Variants in SMARCC2 observed in about 807,000 individuals in gnomAD.
SMARCC2 encodes SWI/SNF related BAF chromatin remodeling complex subunit C2, also known as SWI/SNF complex subunit SMARCC2.
A neutral mutation model predicts 151.3 loss-of-function variants in SMARCC2; 15 were observed. The observed-to-expected ratio is 0.10, with a 90% confidence interval of 0.07 to 0.15. The LOEUF is 0.15. SMARCC2 is among the 10% of genes least tolerant of loss of function. The probability of loss-of-function intolerance (pLI) is 1.00; values close to 1 mark genes in which losing one functional copy is unlikely to be tolerated. For missense variants in SMARCC2, 1,031 were observed against 1,599.7 expected, an observed-to-expected ratio of 0.64 and a Z score of 6.06; for synonymous variants, 590 against 609.5, an observed-to-expected ratio of 0.97 and a Z score of 0.47.
intron 22 of SMARCC2, 128 bp from the exon 23 acceptor site, chr12:56,170,336 C>T (rs915659146): frequency 1.3e-6 from 1 of 770,864 alleles, no homozygotes; most frequent in South Asian, 1.5e-5. Context: ...ACTCCTGGGC[C>T]CACGCAATCC....
chr12:56,187,187 C>A lies in SMARCC2; in HGVS notation c.231G>T (p.Pro77=). Residue 77 remains proline (P), a splice_region_variant and synonymous_variant, in exon 2 of 29, where the codon CCG becomes CCT. Coordinates refer to ENST00000550164, the MANE Select transcript of SMARCC2 (RefSeq NM_001330288.2). ...HVSNAPLTKL[P]IKCFLDFKAG... ...CCCTCCCTGCTACTTCTGCACTCAC[C>A]GGCAGTTTAGTGAGCGGTGCATTGC... 4 of 1,613,510 alleles carry A rather than the reference C, an allele frequency of 2.5e-6. No individual in the cohort carries two copies. In the South Asian group the frequency reaches 3.3e-5, roughly 13 times the overall value.
At chr12:56,174,148 A>G (rs1457287394) in intron 16 of SMARCC2, among the ~76,000 whole-genome samples, 1 of 152,046 alleles carries the variant, frequency 6.6e-6, no homozygotes, top group African/African-American at 2.4e-5. Context: ...TTTTTTCCCT[A>G]AGAGAGACTG....
chr12:56,182,075 C>G lies in SMARCC2; in HGVS notation c.637G>C (p.Asp213His). 1 of 1,610,712 alleles carries G rather than the reference C, an allele frequency of 6.2e-7. No homozygotes were observed. Among genetic ancestry groups the G allele is most frequent in the South Asian group, 1.1e-5 (1 of 90,770 alleles). Residue 213 changes from aspartate to histidine, a missense_variant, in exon 8 of 29, where the codon GAC (aspartate) becomes CAC (histidine). By Grantham distance (81) the Asp-to-His change is moderately conservative. This residue lies in a region of SMARCC2 where 123 missense variants were observed against 190.4 expected (regional missense o/e 0.65). Coordinates refer to ENST00000550164, the MANE Select transcript of SMARCC2 (RefSeq NM_001330288.2). Reference protein sequence around the residue: ...LHWGYYPDSYDTWIPASEIEA... With the variant: ...LHWGYYPDSYHTWIPASEIEA... ...ATTTCACTCGCTGGGATCCACGTGT[C>G]GTAACTGCCATGGGAAATTGAGCAC...
At chr12:56,183,959 T>G in intron 6 of SMARCC2, 29 bp from the exon 7 acceptor site, 1 of 1,554,352 alleles carries the variant, frequency 6.4e-7, no homozygotes, top group Non-Finnish European at 8.9e-7. Flanking sequence ...AAGGGAGAGA[T>G]ATAAGCTAAA....
chr12:56,164,437 G>C lies in SMARCC2; in HGVS notation c.3527C>G (p.Pro1176Arg), dbSNP rs1008521267. Residue 1176 changes from proline to arginine, a missense_variant, in exon 28 of 29, where the codon CCT becomes CGT. Transcript: ENST00000550164. ...CATGGTGGTGGTCGCCGGCAGGTTA[G>C]GATGTAGAGGGTTCGCCATGGACAC... is the stretch of plus-strand genomic sequence containing the variant. ...LPVSMANPLH[P>R]NLPATTTMPS... The C allele has an allele frequency of 1.9e-6, 3 of 1,614,064 alleles. No homozygotes were observed. Among genetic ancestry groups the C allele is most frequent in the Non-Finnish European group, 8.5e-7 (1 of 1,180,024 alleles).
At chr12:56,182,276 C>T (rs1200464969) in intron 7 of SMARCC2, among the ~76,000 whole-genome samples, 197 bp from the exon 8 acceptor site, 2 of 151,748 alleles carry the variant, frequency 1.3e-5, no homozygotes, top group African/African-American at 2.4e-5. Context: ...ATCACCCTTA[C>T]GTAACTACTC....
Position 56,164,428 on chromosome 12 carries a change from G to C in SMARCC2, c.3536C>G (p.Pro1179Arg). 1 of 1,614,062 alleles carries C rather than the reference G, an allele frequency of 6.2e-7. No individual in the cohort carries two copies. Among genetic ancestry groups the C allele is most frequent in the Non-Finnish European group, 8.5e-7 (1 of 1,180,030 alleles). ...SMANPLHPNL[P>R]ATTTMPSSLP... ...GGAAGATGGCATGGTGGTGGTCGCC[G>C]GCAGGTTAGGATGTAGAGGGTTCGC... The change falls in exon 28 of 29, where the codon CCG (proline) becomes CGG (arginine). Residue 1179 changes from proline (P) to arginine (R), a missense_variant. Around this residue, in one of 12 missense-constraint regions of SMARCC2, gnomAD observed 310 missense variants for 350.0 expected, o/e 0.89. Coordinates refer to ENST00000550164, the MANE Select transcript of SMARCC2 (RefSeq NM_001330288.2).
At chr12:56,184,726 G>T in intron 5 of SMARCC2, 118 bp downstream of exon 5, 1 of 656,872 alleles carries the variant, frequency 1.5e-6, no homozygotes, top group Non-Finnish European at 2.7e-6. Flanking sequence ...CTTTTTCCAA[G>T]TAGACAGAGC....
At chr12:56,177,224 G>GTTTT (rs1389985841) in intron 15 of SMARCC2, among the ~76,000 whole-genome samples, 4 of 151,986 alleles carry the variant, frequency 2.6e-5, no homozygotes, top group Non-Finnish European at 4.4e-5. Context: ...GATTACAGGC[G>GTTTT]TGAGCCACCA....
Position 56,171,626 on chromosome 12 carries a change from A to G in SMARCC2, c.2185+53T>C. 2 of 1,519,898 alleles carry G rather than the reference A, an allele frequency of 1.3e-6. No individual in the cohort carries two copies. Among genetic ancestry groups the G allele is most frequent in the Non-Finnish European group, 1.8e-6 (2 of 1,134,174 alleles). The allele number at this position is 1,519,898 out of a possible 1,614,324, so 94.2% of individuals were successfully genotyped here. A position where few individuals can be genotyped will look rare whatever the true frequency, so the allele number is the denominator to read the frequency against. ...GAGAGGATTCACAGTCTGAGTAACT[A>G]GCCCTTCAAAAGCAAACTAAGAAGG... is the stretch of plus-strand genomic sequence containing the variant. On this transcript the variant is annotated intron_variant, in intron 21 of 28. Transcript: ENST00000550164. This position sits in a 1 kb window ranked among gnomAD's most constrained non-coding sequence, Gnocchi z 4.2.
At chr12:56,184,278 G>C in intron 5 of SMARCC2, 34 bp from the exon 6 acceptor site, 2 of 1,519,810 alleles carry the variant, frequency 1.3e-6, no homozygotes, top group Non-Finnish European at 1.8e-6. Context: ...GTAAATTATG[G>C]TCCCCTCTGA....
chr12:56,178,115 T>C (rs1229038827), intron 14 of SMARCC2, 22 bp from the exon 15 acceptor site: 1 of 1,601,064 alleles, frequency 6.2e-7, no homozygotes, highest in South Asian at 1.1e-5. Context: ...GCCAGAATGG[T>C]TTCAGAAGAA....
chr12:56,164,191 C>G, intron 28 of SMARCC2, 112 bp downstream of exon 28: 1 of 969,548 alleles, frequency 1.0e-6, no homozygotes, highest in Non-Finnish European at 1.5e-6. Flanking sequence ...CCAGAGTGTT[C>G]AAAAAGGATT....
Position 56,185,075 on chromosome 12 carries a change from G to A in SMARCC2, c.354C>T (p.Asp118=). Residue 118 remains aspartate, a synonymous_variant, in exon 4 of 29, where the codon GAC becomes GAT. Coordinates refer to ENST00000550164, the MANE Select transcript of SMARCC2 (RefSeq NM_001330288.2). ...TGGTCATAAACATTTCCACATTGCG[G>A]TCCATGCGTGATGGATTCTGGAAAT... ...RYDFQNPSRM[D]RNVEMFMTIE... is the part of the protein sequence containing the mutation. 1 of 1,614,062 alleles carries A rather than the reference G, an allele frequency of 6.2e-7. No homozygotes were observed. The highest frequency in any genetic ancestry group is 8.5e-7 in the Non-Finnish European group (1 of 1,179,988).
Position 56,185,136 on chromosome 12 carries a change from G to A in SMARCC2, c.318-25C>T, listed in dbSNP as rs1487967512. 3 of 1,593,354 alleles carry A rather than the reference G, an allele frequency of 1.9e-6. No homozygotes were observed. The Admixed American group carries it at 5.0e-5, about 27-fold the overall frequency. On this transcript the variant is annotated intron_variant, in intron 3 of 28. Transcript: ENST00000550164. ...CCTTGTGAAGAGGCAATAATCTAGTGAGTGGTATAGCTCAGGTCTGCAGAT... is the reference window on the plus strand; with the variant it reads ...CCTTGTGAAGAGGCAATAATCTAGTAAGTGGTATAGCTCAGGTCTGCAGAT...
Position 56,172,668 on chromosome 12 carries a change from C to G in SMARCC2, c.1780G>C (p.Asp594His). 6.2e-7 allele frequency: 1 copy of G among 1,614,182 alleles called. No homozygotes were observed. The highest frequency in any genetic ancestry group is 8.5e-7 in the Non-Finnish European group (1 of 1,180,032). ...SASQQMLNFP[D>H]KGKEKPTDMQ... ...TCTGTTGGTTTCTCTTTGCCTTTGT[C>G]AGGAAAGTTGAGCATTTGTTGGGAA... Residue 594 changes from aspartate to histidine, a missense_variant, in exon 19 of 29, where the codon GAC becomes CAC. By Grantham distance (81) the Asp-to-His change is moderately conservative. Coordinates refer to ENST00000550164, the MANE Select transcript of SMARCC2 (RefSeq NM_001330288.2).
chr12:56,162,359 T>A lies in SMARCC2; in HGVS notation c.*1330A>T, dbSNP rs1417041662. 1 of 633,510 alleles carries A rather than the reference T, an allele frequency of 1.6e-6. No individual in the cohort carries two copies. 39.2% of individuals were successfully genotyped at this position (633,510 alleles called of 1,614,324 possible). ...AAGAACACAGAATGCACCCACAAGA[T>A]GGAACTGAAAGCAAATTAATTTATA... On this transcript the variant is annotated 3_prime_UTR_variant, in exon 29 of 29. Transcript: ENST00000550164.
At chr12:56,165,897 G>GA (rs935868533) in intron 26 of SMARCC2, among the ~76,000 whole-genome samples, 198 bp from the exon 27 acceptor site, 50 of 152,286 alleles carry the variant, frequency 3.3e-4, no homozygotes, top group Middle Eastern at 3.4e-3. Context: ...TGTCTCCTGA[G>GA]TGCCCACATG....
In SMARCC2 at chr12:56,163,716, C is replaced by T. The variant is rs765881836; in HGVS notation, c.3711G>A (p.Thr1237=). ...ACTGTGGAGGTGGCACAGGGGTGACCGTGCCTGGGCTCGGGGCTGTGGGGT... is the reference window on the plus strand; with the variant it reads ...ACTGTGGAGGTGGCACAGGGGTGACTGTGCCTGGGCTCGGGGCTGTGGGGT... ...PPDPTAPSPG[T]VTPVPPPQ The change falls in exon 29 of 29, where the codon ACG becomes ACA. Residue 1237 remains threonine, a synonymous_variant. Coordinates refer to ENST00000550164, the MANE Select transcript of SMARCC2 (RefSeq NM_001330288.2). The T allele has an allele frequency of 1.2e-5, 18 of 1,504,010 alleles. No homozygotes were observed. The highest frequency in any genetic ancestry group is 1.1e-4 in the East Asian group (4 of 37,176). The allele number at this position is 1,504,010 out of a possible 1,614,324, so 93.2% of individuals were successfully genotyped here.
Sources: allele counts gnomAD v4.1 joint callset (sites outside exome capture counted in the v4.1 genomes callset), GRCh38; gene constraint gnomAD v4.1.1; regional missense constraint gnomAD v4.1.1; non-coding constraint Gnocchi (gnomAD v3.1); transcripts MANE v1.5; gene names NCBI Gene and HGNC (gene_info 2026-07-23, HGNC 2026-07-21).